RPF1: variants seen among roughly 807,000 people sequenced by gnomAD.
The protein encoded by RPF1 is ribosome production factor 1.
RPF1 carries 34 observed loss-of-function variants against 41.9 expected under a neutral mutation model. The ratio of observed to expected loss-of-function variants is 0.81; its 90% CI spans 0.62 to 1.08. The LOEUF (loss-of-function observed/expected upper bound fraction) is 1.08. RPF1 is among the 50% of genes least tolerant of loss of function. The pLI is 0.00. For missense variants in RPF1, 425 were observed against 435.2 expected, an observed-to-expected ratio of 0.98 and a Z score of 0.21; for synonymous variants, 140 against 148.9, an observed-to-expected ratio of 0.94 and a Z score of 0.43.
intron 3 of RPF1, among the ~76,000 whole-genome samples, chr1:84,485,403 G>A (rs1043325294): frequency 6.6e-6 from 1 of 152,104 alleles, no homozygotes; most frequent in African/African-American, 2.4e-5. Context: ...CTGGCGTAAA[G>A]GTAACTTTTA....
chr1:84,493,396 G>A (rs1431308192), intron 5 of RPF1, among the ~76,000 whole-genome samples: 3 of 151,574 alleles, frequency 2.0e-5, no homozygotes, highest in Non-Finnish European at 4.4e-5. Context: ...AAGGCAGGTG[G>A]ATCGCTTGAG....
In RPF1 at chr1:84,490,427, G is replaced by C; in HGVS notation, c.571G>C (p.Asp191His). 1 of 1,609,314 alleles carries C rather than the reference G, an allele frequency of 6.2e-7. No homozygotes were observed. Among genetic ancestry groups the C allele is most frequent in the Non-Finnish European group, 8.5e-7 (1 of 1,178,366 alleles). The change falls in exon 5 of 9, where the codon GAT becomes CAT. Residue 191 changes from aspartate to histidine, a missense_variant. Asp to His is a moderately conservative substitution (Grantham distance 81). Transcript: ENST00000370654. ...KKIIPQCIAR[D>H]FTDLIVINED... ...AATTATTCCACAGTGCATCGCAAGA[G>C]ATTTCACAGACCTGATTGTTATTAA...
chr1:84,487,523 G>T (rs1213369173), intron 3 of RPF1, among the ~76,000 whole-genome samples: 7 of 152,074 alleles, frequency 4.6e-5, no homozygotes, highest in Non-Finnish European at 7.4e-5. Context: ...ACATATTAAA[G>T]AAATCTTCCA....
intron 7 of RPF1, 55 bp from the exon 8 acceptor site, chr1:84,496,189 C>T: frequency 6.5e-7 from 1 of 1,539,940 alleles, no homozygotes; most frequent in African/African-American, 1.4e-5. Flanking sequence ...TGAACCCTGT[C>T]ATAATGTTAA....
intron 2 of RPF1, among the ~76,000 whole-genome samples, chr1:84,481,902 C>T (rs1366627752): frequency 6.6e-6 from 1 of 152,172 alleles, no homozygotes; most frequent in Non-Finnish European, 1.5e-5. Context: ...CTATTTCATA[C>T]ATTCTTTGAA....
intron 5 of RPF1, among the ~76,000 whole-genome samples, chr1:84,492,015 G>A (rs527480874): frequency 1.3e-5 from 2 of 152,144 alleles, no homozygotes; most frequent in Non-Finnish European, 2.9e-5. Context: ...ACAAAAATTA[G>A]TTGGGCGTGT....
intron 3 of RPF1, among the ~76,000 whole-genome samples, chr1:84,484,627 T>C (rs910463635): frequency 3.9e-5 from 6 of 152,120 alleles, no homozygotes; most frequent in African/African-American, 1.4e-4. Flanking sequence ...GTTTATGTAC[T>C]TTTGACAGAA....
At chr1:84,484,606 G>A (rs143937183) in intron 3 of RPF1, among the ~76,000 whole-genome samples, 1 of 151,816 alleles carries the variant, frequency 6.6e-6, no homozygotes, top group South Asian at 2.1e-4. Context: ...GGTTTCCTCT[G>A]ATTATATTCA....
At position 84,496,008 on chromosome 1, in the gene RPF1, A is replaced by C; in HGVS notation, c.826A>C (p.Arg276=). 1 of 1,612,974 alleles carries C rather than the reference A, an allele frequency of 6.2e-7. No homozygotes were observed. The highest frequency in any genetic ancestry group is 8.5e-7 in the Non-Finnish European group (1 of 1,178,988). ...LFPHNPQFIG[R]QVATFHNQRD... is the part of the protein sequence containing the mutation. Reference sequence around the variant, plus strand: ...TCCTCATAATCCTCAATTTATCGGAAGGCAGGTTGCCACATTCCACAATCA... The same window carrying C: ...TCCTCATAATCCTCAATTTATCGGACGGCAGGTTGCCACATTCCACAATCA... The change falls in exon 7 of 9, where the codon AGG becomes CGG. Residue 276 remains arginine (R), a synonymous_variant. Transcript: ENST00000370654.
Position 84,496,265 on chromosome 1 carries a change from G to A in RPF1, c.903G>A (p.Lys301=), listed in dbSNP as rs1270748541. Residue 301 remains lysine, a synonymous_variant, in exon 8 of 9, where the codon AAG becomes AAA. Coordinates refer to ENST00000370654, the MANE Select transcript of RPF1 (RefSeq NM_025065.7). ...RFHRYIFRSE[K]KVGIQELGPR... ...GAAGATACATATTCAGGAGTGAAAA[G>A]AAAGTGGGAATTCAGGAACTTGGAC... 1.2e-6 allele frequency: 2 copies of A among 1,613,458 alleles called. No homozygotes were observed. The highest frequency in any genetic ancestry group is 1.7e-6 in the Non-Finnish European group (2 of 1,179,588).
intron 5 of RPF1, among the ~76,000 whole-genome samples, chr1:84,494,119 C>T (rs1223397545): frequency 1.3e-5 from 2 of 152,142 alleles, no homozygotes; most frequent in South Asian, 2.1e-4. Context: ...TAAGTCCAGA[C>T]TTGATTTTAC....
intron 4 of RPF1, among the ~76,000 whole-genome samples, chr1:84,490,053 A>G (rs2101885531): frequency 6.6e-6 from 1 of 152,214 alleles, no homozygotes; most frequent in Middle Eastern, 3.4e-3. Flanking sequence ...CACTACCACT[A>G]CCATCAGTCA....
chr1:84,494,652 T>G (rs1286411377), intron 5 of RPF1, among the ~76,000 whole-genome samples: 1 of 152,224 alleles, frequency 6.6e-6, no homozygotes, highest in Non-Finnish European at 1.5e-5. Flanking sequence ...AACCTTAGTT[T>G]GCAGCACCCA....
At chr1:84,480,419 A>G (rs953132932) in intron 1 of RPF1, among the ~76,000 whole-genome samples, 2 of 152,240 alleles carry the variant, frequency 1.3e-5, no homozygotes, top group African/African-American at 4.8e-5. Context: ...ATATAGATTG[A>G]CAATACAAAT....
intron 5 of RPF1, among the ~76,000 whole-genome samples, chr1:84,494,631 A>G (rs185585876): frequency 2.4e-4 from 36 of 152,342 alleles, no homozygotes; most frequent in Admixed American, 1.6e-3. Context: ...GAAGAATATT[A>G]TATAGGTAGC....
At position 84,498,061 on chromosome 1, in the gene RPF1, T is replaced by G. The variant is rs1558549074; in HGVS notation, c.*591T>G. ...TCTTTTTTACCTCATTACATGGTGC[T>G]GTAGTACTCCATTCAGGCACTGAAA... On this transcript the variant is annotated 3_prime_UTR_variant, in exon 9 of 9. Coordinates refer to ENST00000370654, the MANE Select transcript of RPF1 (RefSeq NM_025065.7). Among the ~76,000 whole-genome samples the G allele has an allele frequency of 6.6e-6, 1 of 152,202 alleles. No homozygotes were observed.
intron 4 of RPF1, among the ~76,000 whole-genome samples, 180 bp from the exon 5 acceptor site, chr1:84,490,139 C>T (rs1044005352): frequency 2.6e-5 from 4 of 152,190 alleles, no homozygotes; most frequent in African/African-American, 9.7e-5. Flanking sequence ...TTGAGAACCA[C>T]TGCTTTAGGA....
chr1:84,495,298 G>A (rs1209474877), intron 5 of RPF1, 75 bp from the exon 6 acceptor site: 10 of 763,764 alleles, frequency 1.3e-5, no homozygotes, highest in South Asian at 4.8e-5. Context: ...GCCTTTGGAT[G>A]TAGAGGACCA....
chr1:84,497,407 C>T, intron 8 of RPF1, 22 bp from the exon 9 acceptor site: 1 of 1,604,110 alleles, frequency 6.2e-7, no homozygotes, highest in Non-Finnish European at 8.5e-7. Flanking sequence ...TCTTCCTCCA[C>T]TCCCTTGCTT....
Sources: allele counts gnomAD v4.1 joint callset (sites outside exome capture counted in the v4.1 genomes callset), GRCh38; gene constraint gnomAD v4.1.1; transcripts MANE v1.5; gene names NCBI Gene and HGNC (gene_info 2026-07-23, HGNC 2026-07-21).